EFNA5: variants seen among roughly 807,000 people sequenced by gnomAD.
EFNA5 encodes the protein ephrin-A5.
A neutral mutation model predicts 22.9 loss-of-function variants in EFNA5; 5 were observed. The observed-to-expected ratio is 0.22, with a 90% CI of 0.11 to 0.46. EFNA5 has a LOEUF of 0.46. Among genes scored for constraint, EFNA5 ranks in the 20% least tolerant of loss-of-function variants. The pLI, the probability that EFNA5 is intolerant of heterozygous loss-of-function variation, is 0.99. For synonymous variants in EFNA5, 113 were observed against 112.2 expected (o/e 1.01, Z -0.04); for missense variants, 237 against 293.3 (o/e 0.81, Z 1.40).
chr5:107,472,737 G>A (rs1309664767), intron 1 of EFNA5, among the ~76,000 whole-genome samples: 1 of 152,184 alleles, frequency 6.6e-6, no homozygotes, highest in African/African-American at 2.4e-5. Context: ...ATCAAGCCAA[G>A]CCAGCTCTGG....
chr5:107,590,104 T>C (rs988851329), intron 1 of EFNA5, among the ~76,000 whole-genome samples: 2 of 152,092 alleles, frequency 1.3e-5, no homozygotes, highest in South Asian at 2.1e-4. Context: ...CCTTGTTTCC[T>C]CATCGGTATA....
At chr5:107,582,087 T>C (rs907128112) in intron 1 of EFNA5, among the ~76,000 whole-genome samples, 2 of 152,246 alleles carry the variant, frequency 1.3e-5, no homozygotes, top group East Asian at 1.9e-4. Flanking sequence ...CGTATATAAG[T>C]GAAAGATGAG....
At chr5:107,562,766 A>G (rs775798012) in intron 1 of EFNA5, among the ~76,000 whole-genome samples, 2 of 152,226 alleles carry the variant, frequency 1.3e-5, no homozygotes, top group Non-Finnish European at 2.9e-5. Flanking sequence ...AATAAAATAG[A>G]AAAGAGAGCT....
chr5:107,610,958 T>C (rs990483021), intron 1 of EFNA5, among the ~76,000 whole-genome samples: 1 of 152,166 alleles, frequency 6.6e-6, no homozygotes, highest in African/African-American at 2.4e-5. Flanking sequence ...GTGCCAAGAA[T>C]ACCACTGGCG....
intron 1 of EFNA5, among the ~76,000 whole-genome samples, chr5:107,570,786 G>A (rs537848025): frequency 1.3e-5 from 2 of 152,220 alleles, no homozygotes; most frequent in East Asian, 1.9e-4. Context: ...CAATTGATGT[G>A]AGCAAAGTAA....
chr5:107,495,018 A>G (rs987750687), intron 1 of EFNA5, among the ~76,000 whole-genome samples: 2 of 152,122 alleles, frequency 1.3e-5, no homozygotes, highest in African/African-American at 2.4e-5. Flanking sequence ...TGCCCTGTCA[A>G]AACAGACCAC....
chr5:107,663,609 A>T (rs561990459), intron 1 of EFNA5, among the ~76,000 whole-genome samples: 1 of 152,126 alleles, frequency 6.6e-6, no homozygotes, highest in Non-Finnish European at 1.5e-5. Flanking sequence ...TCCAATCATA[A>T]AACTTGCAGC....
chr5:107,503,854 A>C (rs2112427994), intron 1 of EFNA5, among the ~76,000 whole-genome samples: 1 of 152,298 alleles, frequency 6.6e-6, no homozygotes, highest in Middle Eastern at 3.4e-3. Flanking sequence ...TTGTTTTCTA[A>C]TCTTCTTTGG....
chr5:107,599,162 G>T lies in EFNA5; in HGVS notation c.125+71327C>A, dbSNP rs997740795. Among the ~76,000 whole-genome samples, 18 of 152,310 alleles carry T rather than the reference G, an allele frequency of 1.2e-4. 1 individual carries two copies. Among genetic ancestry groups the T allele is most frequent in the Admixed American group, 1.2e-3 (18 of 15,292 alleles). ...CATATTTGAAATGATGTGTGTACAA[G>T]GTTATTCATTACAGCATTGTTTATA... is the stretch of plus-strand genomic sequence containing the variant. On this transcript the variant is annotated intron_variant, in intron 1 of 4. Transcript: ENST00000333274.
At chr5:107,488,395 C>T (rs559047609) in intron 1 of EFNA5, among the ~76,000 whole-genome samples, 3 of 152,126 alleles carry the variant, frequency 2.0e-5, no homozygotes, top group East Asian at 1.9e-4. Flanking sequence ...AAGTCAAAGA[C>T]GGTGAGTGAA....
chr5:107,475,750 A>G (rs537282256), intron 1 of EFNA5, among the ~76,000 whole-genome samples: 1 of 151,870 alleles, frequency 6.6e-6, no homozygotes, highest in South Asian at 2.1e-4. Flanking sequence ...ATCTGATTAC[A>G]TATTTCTCAC....
chr5:107,481,530 G>A (rs1474126215), intron 1 of EFNA5, among the ~76,000 whole-genome samples: 1 of 152,164 alleles, frequency 6.6e-6, no homozygotes, highest in East Asian at 1.9e-4. Context: ...GATGTCCTCT[G>A]TTTTTGAACA....
chr5:107,547,864 A>G (rs1439057894), intron 1 of EFNA5, among the ~76,000 whole-genome samples: 1 of 152,220 alleles, frequency 6.6e-6, no homozygotes, highest in African/African-American at 2.4e-5. Flanking sequence ...TATTAAAATA[A>G]GTGCTTTTGG....
intron 1 of EFNA5, among the ~76,000 whole-genome samples, chr5:107,460,506 T>C (rs152578): frequency 0.56 from 84,889 of 151,652 alleles, 24,225 homozygotes; most frequent in East Asian, 0.7. Context: ...AGCATATCAG[T>C]GTAGCTGATT....
intron 1 of EFNA5, among the ~76,000 whole-genome samples, chr5:107,480,599 TCCAATACA>T (rs960920100): frequency 6.6e-6 from 1 of 152,158 alleles, no homozygotes; most frequent in African/African-American, 2.4e-5. Flanking sequence ...AGGGGAGGTA[TCCAATACA>T]CCAATTACGT....
chr5:107,528,283 C>T (rs1178214540), intron 1 of EFNA5, among the ~76,000 whole-genome samples: 1 of 152,180 alleles, frequency 6.6e-6, no homozygotes, highest in Non-Finnish European at 1.5e-5. Context: ...ACCTTTGGTC[C>T]TTACCTGATG....
Position 107,500,010 on chromosome 5 carries a change from T to C in EFNA5, c.126-72501A>G, listed in dbSNP as rs142109988. Reference sequence around the variant, plus strand: ...AACCCGGATCATTCATCCTGCAGCCTGCAGAAAGGAATCCACAGCACAAAG... The same window carrying C: ...AACCCGGATCATTCATCCTGCAGCCCGCAGAAAGGAATCCACAGCACAAAG... On this transcript the variant is annotated intron_variant, in intron 1 of 4. Transcript: ENST00000333274. Among the ~76,000 whole-genome samples, 12 of 152,332 alleles carry C rather than the reference T, an allele frequency of 7.9e-5. No individual in the cohort carries two copies. In the East Asian group the frequency reaches 2.3e-3, roughly 29 times the overall value.
intron 1 of EFNA5, among the ~76,000 whole-genome samples, chr5:107,577,323 G>A (rs371275140): frequency 9.7e-4 from 147 of 152,160 alleles, no homozygotes; most frequent in Middle Eastern, 3.4e-3. Flanking sequence ...TCAGTTTCTC[G>A]GTTGGGCTGT....
intron 1 of EFNA5, among the ~76,000 whole-genome samples, chr5:107,600,229 T>C (rs918838833): frequency 1.3e-5 from 2 of 152,188 alleles, no homozygotes; most frequent in African/African-American, 4.8e-5. Context: ...CAGTAAGATT[T>C]CACAGAGCTA....
Sources: gnomAD v4.1 joint callset for allele counts (sites outside exome capture counted in the v4.1 genomes callset) on GRCh38, gnomAD v4.1.1 for gene constraint, MANE v1.5 for transcripts, NCBI Gene and HGNC (gene_info 2026-07-23, HGNC 2026-07-21) for gene names.